The following MRC2 variants were observed in gnomAD, a reference collection of about 807,000 sequenced individuals.
MRC2 encodes mannose receptor C-type 2.
In MRC2, 84 loss-of-function variants were observed where a neutral mutation model predicts 206.2. That is an observed-to-expected ratio of 0.41 (90% confidence interval 0.34 to 0.49). The LOEUF is 0.49. Ranked by LOEUF, MRC2 falls within the 20% of genes least tolerant of loss-of-function variation. MRC2 has a pLI of 0.31. For synonymous variants in MRC2, 798 were observed against 800.0 expected, an observed-to-expected ratio of 1.00 and a Z score of 0.04; for missense variants, 1,676 against 2,001.5, an observed-to-expected ratio of 0.84 and a Z score of 3.10.
rs1179405094 is a variant in MRC2 at position 62,666,123 on chromosome 17, G to A, written c.550G>A (p.Gly184Arg). ...CTACACCATCCAGGGAAACTCCCAC[G>A]GAAAGCCGTGCACCATCCCCTTCAA... is the stretch of plus-strand genomic sequence containing the variant. ...EVYTIQGNSH[G>R]KPCTIPFKYD... Residue 184 changes from glycine to arginine, a missense_variant, in exon 3 of 30, where the codon GGA becomes AGA. Physicochemically the swap from Gly to Arg is moderately radical, Grantham distance 125. Transcript: ENST00000303375. The surrounding 1 kb of genome is among the most constrained non-coding windows in gnomAD (Gnocchi z 5.0). 1.9e-6 allele frequency: 3 copies of A among 1,596,428 alleles called. No individual in the cohort carries two copies. Among genetic ancestry groups the A allele is most frequent in the South Asian group, 2.3e-5 (2 of 88,264 alleles).
intron 1 of MRC2, among the ~76,000 whole-genome samples, chr17:62,630,067 C>G (rs371405581): frequency 1.3e-5 from 2 of 152,310 alleles, no homozygotes; most frequent in South Asian, 2.1e-4. Flanking sequence ...GCCATATTAC[C>G]GCATTTCTGG....
chr17:62,675,731 G>A lies in MRC2; in HGVS notation c.1570-59G>A. 7.5e-7 allele frequency: 1 copy of A among 1,340,774 alleles called. No homozygotes were observed. Among genetic ancestry groups the A allele is most frequent in the Non-Finnish European group, 1.1e-6 (1 of 933,472 alleles). 83.1% of individuals were successfully genotyped at this position (1,340,774 alleles called of 1,614,324 possible). On this transcript the variant is annotated intron_variant, in intron 9 of 29. Transcript: ENST00000303375. This position sits in a 1 kb window ranked among gnomAD's most constrained non-coding sequence, Gnocchi z 4.1. ...GCATCTCCCACCACAGGATTTATGG[G>A]TGAGGGTGGAGAGTCATCTTCCCTA...
chr17:62,681,596 C>T (rs2088967080), intron 18 of MRC2: 1 of 515,716 alleles, frequency 1.9e-6, no homozygotes, highest in Admixed American at 3.8e-5. Context: ...GCCCTGGAGT[C>T]CTCAGGCTTC....
In MRC2 at chr17:62,692,330, A is replaced by G. The variant is rs1233297683; in HGVS notation, c.4319A>G (p.Gln1440Arg). Residue 1440 changes from glutamine to arginine, a missense_variant, in exon 30 of 30, where the codon CAG becomes CGG. This residue lies in a region of MRC2 where 1,354 missense variants were observed against 1,636.6 expected (regional missense o/e 0.83). Coordinates refer to ENST00000303375, the MANE Select transcript of MRC2 (RefSeq NM_006039.5). This position sits in a 1 kb window ranked among gnomAD's most constrained non-coding sequence, Gnocchi z 4.2. ...TAALILYRRR[Q>R]SIERGAFEGA... is the part of the protein sequence containing the mutation. ...GCCCTCATCCTTTACCGGAGGCGCC[A>G]GAGCATCGAGCGCGGGGCCTTTGAG... 6.3e-7 allele frequency: 1 copy of G among 1,581,344 alleles called. No individual in the cohort carries two copies. The highest frequency in any genetic ancestry group is 1.8e-5 in the Admixed American group (1 of 54,214).
chr17:62,666,675 T>C lies in MRC2; in HGVS notation c.859+56T>C. 1 of 1,554,020 alleles carries C rather than the reference T, an allele frequency of 6.4e-7. No homozygotes were observed. The highest frequency in any genetic ancestry group is 2.3e-5 in the East Asian group (1 of 42,862). On this transcript the variant is annotated intron_variant, in intron 4 of 29. Coordinates refer to ENST00000303375, the MANE Select transcript of MRC2 (RefSeq NM_006039.5). The surrounding 1 kb of genome is among the most constrained non-coding windows in gnomAD (Gnocchi z 5.0). ...TCTGGAGGGCCCGGGCCCTTTCCGC[T>C]TGTGGGTTGGGGAGAGGGCGATGGG...
Position 62,678,591 on chromosome 17 carries a change from C to T in MRC2, c.2140C>T (p.Leu714=). ...GGAGCTGGGGGCCCAGCTGCTGAGC[C>T]TGGCCAGCTACGAGGAGGAGCACTT... The part of the protein sequence containing the change: ...CQELGAQLLS[L]ASYEEEHFVA... Residue 714 remains leucine (L), a synonymous_variant, in exon 13 of 30, where the codon CTG becomes TTG. Transcript: ENST00000303375. The T allele has an allele frequency of 2.5e-6, 4 of 1,610,602 alleles. No individual in the cohort carries two copies. Among genetic ancestry groups the T allele is most frequent in the Non-Finnish European group, 3.4e-6 (4 of 1,179,068 alleles).
rs768818532 is a variant in MRC2, at chr17:62,680,773, G to T, written c.2474-27G>T. On this transcript the variant is annotated intron_variant, in intron 16 of 29. Coordinates refer to ENST00000303375, the MANE Select transcript of MRC2 (RefSeq NM_006039.5). The surrounding 1 kb of genome is among the most constrained non-coding windows in gnomAD (Gnocchi z 4.8). ...GGCGTGCAGCCTCTGCCTGGCCGCC[G>T]CTCCCACGCCCGCGCTGCTCCTGCA... is the stretch of plus-strand genomic sequence containing the variant. 2 of 1,553,066 alleles carry T rather than the reference G, an allele frequency of 1.3e-6. No homozygotes were observed.
At position 62,672,176 on chromosome 17, in the gene MRC2, C is replaced by G. The variant is rs1265988989; in HGVS notation, c.1461+24C>G. ...CGGTGAGATCTCCCTCTCCCTATCACAGGGCCACAAAATACACCCCCAACC... is the reference window on the plus strand; with the variant it reads ...CGGTGAGATCTCCCTCTCCCTATCAGAGGGCCACAAAATACACCCCCAACC... On this transcript the variant is annotated intron_variant, in intron 8 of 29. Coordinates refer to ENST00000303375, the MANE Select transcript of MRC2 (RefSeq NM_006039.5). The surrounding 1 kb of genome is among the most constrained non-coding windows in gnomAD (Gnocchi z 4.5). 2 of 1,613,456 alleles carry G rather than the reference C, an allele frequency of 1.2e-6. No homozygotes were observed.
At chr17:62,631,197 G>A (rs554716036) in intron 1 of MRC2, among the ~76,000 whole-genome samples, 1 of 152,100 alleles carries the variant, frequency 6.6e-6, no homozygotes, top group Non-Finnish European at 1.5e-5. Context: ...TTTAAGCATC[G>A]AGGAGGAGTC....
intron 1 of MRC2, among the ~76,000 whole-genome samples, chr17:62,643,568 T>C (rs145483430): frequency 1.6e-3 from 240 of 152,222 alleles, no homozygotes; most frequent in African/African-American, 5.6e-3. Flanking sequence ...GAACCTGCAA[T>C]AGTTTTAAGG....
intron 22 of MRC2, 49 bp from the exon 23 acceptor site, chr17:62,688,803 C>A (rs1219118494): frequency 6.3e-7 from 1 of 1,584,276 alleles, no homozygotes; most frequent in Admixed American, 1.7e-5. Flanking sequence ...GGGACAGTAG[C>A]ACAGGGAGGC....
intron 1 of MRC2, among the ~76,000 whole-genome samples, chr17:62,633,513 A>T (rs2088271838): frequency 6.6e-6 from 1 of 151,260 alleles, no homozygotes; most frequent in African/African-American, 2.4e-5. Flanking sequence ...AAAAAAAAAA[A>T]AAAAAAAAAG....
In MRC2 at chr17:62,683,260, GGAGTTC is replaced by G. The variant is rs565181623; in HGVS notation, c.2946+887_2946+892del. ...GAGGCGGGTGAATCACCTGAGATTAGGAGTTCGAGACCAGCCTGACCAACATGGAGA... is the reference window on the plus strand; with the variant it reads ...GAGGCGGGTGAATCACCTGAGATTAGGAGACCAGCCTGACCAACATGGAGA... On this transcript the variant is annotated intron_variant, in intron 20 of 29. Coordinates refer to ENST00000303375, the MANE Select transcript of MRC2 (RefSeq NM_006039.5). 5.0e-3 allele frequency among the ~76,000 whole-genome samples: 765 copies of G among 152,018 alleles called. 9 individuals are homozygous for G. Among genetic ancestry groups the G allele is most frequent in the African/African-American group, 0.017 (719 of 41,504 alleles).
chr17:62,666,528 G>C lies in MRC2; in HGVS notation c.768G>C (p.Thr256=), dbSNP rs1304964920. Residue 256 remains threonine (T), a synonymous_variant, in exon 4 of 30, where the codon ACG becomes ACC. Coordinates refer to ENST00000303375, the MANE Select transcript of MRC2 (RefSeq NM_006039.5). The surrounding 1 kb of genome is among the most constrained non-coding windows in gnomAD (Gnocchi z 5.0). ...GCTACCAGTTTAACTTCCAGTCCACGCTGTCGTGGAGGGAGGCCTGGGCCA... is the reference window on the plus strand; with the variant it reads ...GCTACCAGTTTAACTTCCAGTCCACCCTGTCGTGGAGGGAGGCCTGGGCCA... ...DSCYQFNFQS[T]LSWREAWASC... 3 of 1,613,744 alleles carry C rather than the reference G, an allele frequency of 1.9e-6. No homozygotes were observed. The highest frequency in any genetic ancestry group is 1.7e-4 in the Middle Eastern group (1 of 6,056).
chr17:62,672,041 G>T lies in MRC2; in HGVS notation c.1350G>T (p.Gln450His). 1 of 1,614,176 alleles carries T rather than the reference G, an allele frequency of 6.2e-7. No homozygotes were observed. The highest frequency in any genetic ancestry group is 8.5e-7 in the Non-Finnish European group (1 of 1,180,044). Residue 450 changes from glutamine to histidine, a missense_variant, in exon 8 of 30, where the codon CAG (glutamine) becomes CAT (histidine). Coordinates refer to ENST00000303375, the MANE Select transcript of MRC2 (RefSeq NM_006039.5). This position sits in a 1 kb window ranked among gnomAD's most constrained non-coding sequence, Gnocchi z 4.5. ...LWIGLNDLKLQMNFEWSDGSL... is the reference protein window; with the variant it reads ...LWIGLNDLKLHMNFEWSDGSL... ...TCGGCCTCAACGATTTGAAACTGCAGATGAATTTTGAGTGGTCTGACGGGA... is the reference window on the plus strand; with the variant it reads ...TCGGCCTCAACGATTTGAAACTGCATATGAATTTTGAGTGGTCTGACGGGA...
chr17:62,690,955 C>G lies in MRC2; in HGVS notation c.4019C>G (p.Thr1340Ser). 6.2e-7 allele frequency: 1 copy of G among 1,600,732 alleles called. No homozygotes were observed. Among genetic ancestry groups the G allele is most frequent in the Non-Finnish European group, 8.5e-7 (1 of 1,174,588 alleles). The change falls in exon 28 of 30, where the codon ACT becomes AGT. Residue 1340 changes from threonine (T) to serine (S), a missense_variant. Transcript: ENST00000303375. Reference sequence around the variant, plus strand: ...AGTGCCTTCTTTCCTGCAGGAGGCACTCTGGTCTGGCAGGACAACACAGCT... The same window carrying G: ...AGTGCCTTCTTTCCTGCAGGAGGCAGTCTGGTCTGGCAGGACAACACAGCT... ...LGMNFNPKGG[T>S]LVWQDNTAVN...
intron 28 of MRC2, among the ~76,000 whole-genome samples, chr17:62,691,648 G>A (rs374111393): frequency 6.6e-6 from 1 of 152,004 alleles, no homozygotes; most frequent in African/African-American, 2.4e-5. Context: ...GCACATGCCT[G>A]TAGTCCCAGC....
chr17:62,649,964 G>A (rs985753649), intron 1 of MRC2, among the ~76,000 whole-genome samples: 4 of 150,394 alleles, frequency 2.7e-5, no homozygotes, highest in East Asian at 3.9e-4. Flanking sequence ...GCACTATCTC[G>A]GCTCACTGCA....
At chr17:62,637,236 A>C (rs1444683535) in intron 1 of MRC2, among the ~76,000 whole-genome samples, 2 of 151,604 alleles carry the variant, frequency 1.3e-5, no homozygotes, top group African/African-American at 4.9e-5. Context: ...CCCTGTCTCT[A>C]CTAAAAATAC....
Sources: allele counts gnomAD v4.1 joint callset (sites outside exome capture counted in the v4.1 genomes callset), GRCh38; gene constraint gnomAD v4.1.1; regional missense constraint gnomAD v4.1.1; non-coding constraint Gnocchi (gnomAD v3.1); transcripts MANE v1.5; gene names NCBI Gene and HGNC (gene_info 2026-07-23, HGNC 2026-07-21).